NDC1: variants seen among roughly 807,000 people sequenced by gnomAD.
NDC1 encodes the protein nucleoporin NDC1.
In NDC1, 24 loss-of-function variants were observed where a neutral mutation model predicts 89.8. The ratio of observed to expected loss-of-function variants is 0.27; its 90% confidence interval spans 0.19 to 0.38. NDC1 has a LOEUF of 0.38. Ranked by LOEUF, NDC1 falls within the 10% of genes least tolerant of loss-of-function variation. The pLI is 1.00. For synonymous variants in NDC1, 296 were observed against 284.8 expected (o/e 1.04, Z -0.39); for missense variants, 728 against 797.6 (o/e 0.91, Z 1.05).
At chr1:53,780,544 G>A (rs999801176) in intron 16 of NDC1, among the ~76,000 whole-genome samples, 2 of 152,064 alleles carry the variant, frequency 1.3e-5, no homozygotes, top group Non-Finnish European at 2.9e-5. Context: ...GTTACTGGAG[G>A]GATGGATCTG....
At chr1:53,780,049 T>C (rs765093433) in intron 16 of NDC1, among the ~76,000 whole-genome samples, 8 of 152,152 alleles carry the variant, frequency 5.3e-5, no homozygotes, top group Non-Finnish European at 1.2e-4. Flanking sequence ...TGTTCTCTGA[T>C]CATCCTGCAT....
intron 13 of NDC1, 45 bp downstream of exon 13, chr1:53,796,628 GAGATCCTTAATGTTCT>G: frequency 1.1e-6 from 1 of 936,938 alleles, no homozygotes; most frequent in South Asian, 1.8e-5. Context: ...TTACTCATGT[GAGATCCTTAATGTTCT>G]CAATTTTACA....
intron 15 of NDC1, among the ~76,000 whole-genome samples, chr1:53,788,729 C>CA (rs1295919248): frequency 6.6e-6 from 1 of 151,764 alleles, no homozygotes; most frequent in Non-Finnish European, 1.5e-5. Context: ...AACTGGCCCA[C>CA]AAAAAAGTTT....
At chr1:53,772,138 C>G (rs1277177778) in intron 17 of NDC1, among the ~76,000 whole-genome samples, 191 bp downstream of exon 17, 1 of 151,998 alleles carries the variant, frequency 6.6e-6, no homozygotes, top group African/African-American at 2.4e-5. Context: ...AAAGAAATCC[C>G]CAAAGCTTTA....
chr1:53,799,975 T>C (rs1449185398), intron 11 of NDC1, among the ~76,000 whole-genome samples: 2 of 152,202 alleles, frequency 1.3e-5, no homozygotes, highest in African/African-American at 4.8e-5. Flanking sequence ...TGCTCTTCTC[T>C]GGGACAGCAA....
chr1:53,815,261 A>C (rs1275055222), intron 6 of NDC1, among the ~76,000 whole-genome samples: 1 of 152,230 alleles, frequency 6.6e-6, no homozygotes, highest in African/African-American at 2.4e-5. Context: ...ACCATGATAA[A>C]GTGGGTCTCA....
chr1:53,793,357 C>T, intron 13 of NDC1, 78 bp from the exon 14 acceptor site: 1 of 1,154,314 alleles, frequency 8.7e-7, no homozygotes, highest in Non-Finnish European at 1.3e-6. Flanking sequence ...CTAGTTCTTC[C>T]AGACAGTAAC....
chr1:53,835,966 C>T (rs1164101846), intron 1 of NDC1, among the ~76,000 whole-genome samples: 1 of 152,080 alleles, frequency 6.6e-6, no homozygotes, highest in East Asian at 1.9e-4. Flanking sequence ...TGGGAACCAC[C>T]TGTATACTGT....
intron 5 of NDC1, among the ~76,000 whole-genome samples, chr1:53,820,286 C>A (rs923192464): frequency 1.3e-5 from 2 of 150,728 alleles, no homozygotes; most frequent in East Asian, 1.9e-4. Flanking sequence ...AAAACAAAAT[C>A]GCAAAAAAAA....
intron 14 of NDC1, among the ~76,000 whole-genome samples, chr1:53,792,946 C>A (rs1194513253): frequency 1.3e-5 from 2 of 152,220 alleles, no homozygotes; most frequent in East Asian, 3.8e-4. Context: ...TTGTGAAGAT[C>A]CAGACAGCAG....
At chr1:53,786,606 G>C (rs1260688378) in intron 16 of NDC1, among the ~76,000 whole-genome samples, 1 of 152,172 alleles carries the variant, frequency 6.6e-6, no homozygotes, top group Non-Finnish European at 1.5e-5. Context: ...TAATACCAGG[G>C]GCATATCCTA....
rs764528304 is a variant in NDC1, at chr1:53,793,321, A to C, written c.1585-42T>G. The C allele has an allele frequency of 4.1e-6, 6 of 1,456,796 alleles. No individual in the cohort carries two copies. In the Admixed American group the frequency reaches 6.8e-5, roughly 16 times the overall value. 90.2% of individuals were successfully genotyped at this position (1,456,796 alleles called of 1,614,324 possible). A position where few individuals can be genotyped will look rare whatever the true frequency, so the allele number is the denominator to read the frequency against. On this transcript the variant is annotated intron_variant, in intron 13 of 17. Coordinates refer to ENST00000371429, the MANE Select transcript of NDC1 (RefSeq NM_018087.5). ...GAAGAATTAACACATTTACCTTTTAAATTCTATTCAAATATAACACATTTC... is the reference window on the plus strand; with the variant it reads ...GAAGAATTAACACATTTACCTTTTACATTCTATTCAAATATAACACATTTC...
intron 16 of NDC1, among the ~76,000 whole-genome samples, chr1:53,778,911 G>C (rs1466250658): frequency 1.3e-5 from 2 of 152,036 alleles, no homozygotes; most frequent in Admixed American, 6.6e-5. Flanking sequence ...GGAGGCCGAG[G>C]CAGGCAGATC....
At chr1:53,784,574 C>T (rs919778991) in intron 16 of NDC1, among the ~76,000 whole-genome samples, 6 of 152,152 alleles carry the variant, frequency 3.9e-5, no homozygotes, top group Non-Finnish European at 8.8e-5. Flanking sequence ...AGGTGGATCA[C>T]GAGGTCAGGA....
chr1:53,792,473 C>T (rs977338600), intron 14 of NDC1, among the ~76,000 whole-genome samples: 1 of 152,176 alleles, frequency 6.6e-6, no homozygotes, highest in Non-Finnish European at 1.5e-5. Context: ...GCTCAGACCT[C>T]TTTTCCACCA....
At chr1:53,773,434 A>G (rs925511197) in intron 16 of NDC1, among the ~76,000 whole-genome samples, 2 of 152,172 alleles carry the variant, frequency 1.3e-5, no homozygotes, top group East Asian at 3.8e-4. Context: ...GATTCTGATG[A>G]CAGCTTTTTT....
chr1:53,798,617 T>C (rs763752253), intron 11 of NDC1, among the ~76,000 whole-genome samples: 35 of 150,768 alleles, frequency 2.3e-4, no homozygotes, highest in Non-Finnish European at 4.7e-4. Flanking sequence ...TGCAGTGGCA[T>C]GATCTCAGCT....
At chr1:53,805,461 C>G (rs896060189) in intron 9 of NDC1, among the ~76,000 whole-genome samples, 2 of 152,208 alleles carry the variant, frequency 1.3e-5, no homozygotes, top group Non-Finnish European at 2.9e-5. Context: ...TCACCTCGGC[C>G]TCCCAAAGTG....
chr1:53,780,869 T>A (rs941870478), intron 16 of NDC1, among the ~76,000 whole-genome samples: 11 of 151,898 alleles, frequency 7.2e-5, no homozygotes, highest in Non-Finnish European at 1.6e-4. Context: ...CTTTCTTTTT[T>A]TTTTTTTAGA....
Sources: gnomAD v4.1 joint callset for allele counts (sites outside exome capture counted in the v4.1 genomes callset) on GRCh38, gnomAD v4.1.1 for gene constraint, MANE v1.5 for transcripts, NCBI Gene and HGNC (gene_info 2026-07-23, HGNC 2026-07-21) for gene names.